CNTNAP2: variants seen among roughly 807,000 people sequenced by gnomAD.
The protein encoded by CNTNAP2 is contactin-associated protein-like 2.
In CNTNAP2, 98 loss-of-function variants were observed where a neutral mutation model predicts 155.2. The observed-to-expected ratio is 0.63, with a 90% CI of 0.54 to 0.75. The LOEUF is 0.75. CNTNAP2 is among the 30% of genes least tolerant of loss of function. The probability of loss-of-function intolerance (pLI) is 0.00; values close to 1 mark genes in which losing one functional copy is unlikely to be tolerated. For missense variants in CNTNAP2, 1,727 were observed against 1,688.1 expected (o/e 1.02, Z -0.40); for synonymous variants, 651 against 631.2 (o/e 1.03, Z -0.47).
intron 1 of CNTNAP2, among the ~76,000 whole-genome samples, chr7:146,748,147 T>TC (rs1554475975): frequency 3.2e-4 from 45 of 140,174 alleles, no homozygotes; most frequent in African/African-American, 7.5e-4. Flanking sequence ...TCTTTTCTTT[T>TC]TTTTTTTTTT....
At chr7:147,821,171 T>G (rs1798353696) in intron 13 of CNTNAP2, among the ~76,000 whole-genome samples, 1 of 152,144 alleles carries the variant, frequency 6.6e-6, no homozygotes, top group African/African-American at 2.4e-5. Flanking sequence ...GGAATTTTTA[T>G]TATATTTTTA....
intron 13 of CNTNAP2, among the ~76,000 whole-genome samples, chr7:147,903,323 G>A (rs1443070433): frequency 6.6e-6 from 1 of 152,064 alleles, no homozygotes; most frequent in African/African-American, 2.4e-5. Flanking sequence ...TGATGGGATT[G>A]TTTTTTCTTG....
rs532892762 is a variant in CNTNAP2, at chr7:148,242,387, C to A, written c.3381+12608C>A. The stretch of plus-strand genomic sequence containing the variant: ...TCCACTCAGGCAGGGAGAAGTCAGT[C>A]CTGGGATTGAGTCTGAAGATTTTGA... On this transcript the variant is annotated intron_variant, in intron 20 of 23. Transcript: ENST00000361727. 9.2e-5 allele frequency among the ~76,000 whole-genome samples: 14 copies of A among 152,254 alleles called. No homozygotes were observed. The South Asian group carries it at 2.7e-3, about 29-fold the overall frequency.
At chr7:147,094,925 G>C (rs530384847) in intron 4 of CNTNAP2, among the ~76,000 whole-genome samples, 74 of 152,270 alleles carry the variant, frequency 4.9e-4, no homozygotes, top group Admixed American at 1.0e-3. Context: ...GGTACCAAGA[G>C]ATTTGGTATC....
intron 3 of CNTNAP2, among the ~76,000 whole-genome samples, chr7:147,027,880 GGTGTGGGTGGAAAATA>G (rs771312390): frequency 1.3e-5 from 2 of 152,180 alleles, no homozygotes; most frequent in Non-Finnish European, 2.9e-5. Context: ...ATCAGCAAAT[GGTGTGGGTGGAAAATA>G]GAAAATAAAC....
chr7:146,153,670 A>C (rs1450084409), intron 1 of CNTNAP2, among the ~76,000 whole-genome samples: 1 of 152,184 alleles, frequency 6.6e-6, no homozygotes, highest in African/African-American at 2.4e-5. Context: ...GATGCAGAGC[A>C]AATACCCTAA....
chr7:146,890,956 C>T (rs1795762661), intron 3 of CNTNAP2, among the ~76,000 whole-genome samples: 1 of 152,152 alleles, frequency 6.6e-6, no homozygotes, highest in African/African-American at 2.4e-5. Context: ...TATCACAGCA[C>T]TATCACAATA....
intron 13 of CNTNAP2, among the ~76,000 whole-genome samples, chr7:147,746,477 A>G (rs1483195131): frequency 6.6e-6 from 1 of 152,178 alleles, no homozygotes; most frequent in Non-Finnish European, 1.5e-5. Flanking sequence ...CGAAATATTT[A>G]TAAGTCGTGA....
chr7:147,880,050 A>G (rs1459917925), intron 13 of CNTNAP2, among the ~76,000 whole-genome samples: 1 of 152,228 alleles, frequency 6.6e-6, no homozygotes, highest in Non-Finnish European at 1.5e-5. Context: ...TAGACAGACT[A>G]AAACCTTTCT....
At chr7:148,315,088 G>T (rs1347517882) in intron 21 of CNTNAP2, among the ~76,000 whole-genome samples, 1 of 152,192 alleles carries the variant, frequency 6.6e-6, no homozygotes, top group African/African-American at 2.4e-5. Context: ...TGTTCCTTGG[G>T]CTGGTTGGTC....
rs562396566 is a variant in CNTNAP2 at position 147,127,804 on chromosome 7, T to C, written c.940-889T>C. On this transcript the variant is annotated intron_variant, in intron 6 of 23. Transcript: ENST00000361727. ...TAAAAAAAATAGATAATGGTAATAT[T>C]GTATGATAATTTAAAAGATATATAT... Among the ~76,000 whole-genome samples the C allele has an allele frequency of 4.6e-5, 7 of 152,306 alleles. No individual in the cohort carries two copies. In the South Asian group the frequency reaches 1.2e-3, roughly 27 times the overall value.
At chr7:147,594,419 C>A (rs1430708897) in intron 12 of CNTNAP2, among the ~76,000 whole-genome samples, 1 of 152,144 alleles carries the variant, frequency 6.6e-6, no homozygotes, top group Non-Finnish European at 1.5e-5. Flanking sequence ...TCATAGCTCT[C>A]ACCATATGTA....
At chr7:146,643,703 C>T (rs1224465827) in intron 1 of CNTNAP2, among the ~76,000 whole-genome samples, 2 of 152,086 alleles carry the variant, frequency 1.3e-5, no homozygotes, top group African/African-American at 4.8e-5. Flanking sequence ...TGAAGAAAGT[C>T]ATTGGTAGCT....
chr7:146,848,663 C>T (rs1420348342), intron 3 of CNTNAP2, among the ~76,000 whole-genome samples: 1 of 151,986 alleles, frequency 6.6e-6, no homozygotes, highest in African/African-American at 2.4e-5. Context: ...GGCAGGAAGT[C>T]ATTCCAAGCA....
chr7:148,338,296 T>G (rs1798157266), intron 21 of CNTNAP2, among the ~76,000 whole-genome samples: 1 of 152,206 alleles, frequency 6.6e-6, no homozygotes, highest in Non-Finnish European at 1.5e-5. Context: ...TAATCTGATT[T>G]GAAGTGTGTC....
chr7:146,962,670 A>T (rs1797578286), intron 3 of CNTNAP2, among the ~76,000 whole-genome samples: 1 of 151,898 alleles, frequency 6.6e-6, no homozygotes, highest in Non-Finnish European at 1.5e-5. Flanking sequence ...CCTTCCTCAG[A>T]CTCCTGAGTA....
At chr7:148,399,645 C>T (rs994532577) in intron 22 of CNTNAP2, among the ~76,000 whole-genome samples, 1 of 152,076 alleles carries the variant, frequency 6.6e-6, no homozygotes, top group Non-Finnish European at 1.5e-5. Context: ...TAATAAACTC[C>T]CCCTCTCCAA....
At chr7:147,482,632 A>G (rs1204313023) in intron 10 of CNTNAP2, among the ~76,000 whole-genome samples, 1 of 151,960 alleles carries the variant, frequency 6.6e-6, no homozygotes, top group Non-Finnish European at 1.5e-5. Flanking sequence ...GAGGCAGGAG[A>G]ATGGCGTGAA....
chr7:147,914,601 C>T (rs775268375), intron 14 of CNTNAP2, among the ~76,000 whole-genome samples: 37 of 151,832 alleles, frequency 2.4e-4, no homozygotes, highest in Middle Eastern at 3.2e-3. Flanking sequence ...CACTGTGTTG[C>T]CCCAGCTGAA....
Sources: gnomAD v4.1 joint callset for allele counts (sites outside exome capture counted in the v4.1 genomes callset) on GRCh38, gnomAD v4.1.1 for gene constraint, MANE v1.5 for transcripts, NCBI Gene and HGNC (gene_info 2026-07-23, HGNC 2026-07-21) for gene names.